CORO7: variants seen among roughly 807,000 people sequenced by gnomAD.
CORO7 encodes the protein coronin-7.
In CORO7, 107 loss-of-function variants were observed where a neutral mutation model predicts 126.6. The observed-to-expected ratio is 0.85, with a 90% CI of 0.72 to 0.99. The LOEUF is 0.99. CORO7 is among the 50% of genes least tolerant of loss of function. CORO7 has a pLI of 0.00. For synonymous variants in CORO7, 603 were observed against 536.8 expected, an observed-to-expected ratio of 1.12 and a Z score of -1.70; for missense variants, 1,314 against 1,255.8, an observed-to-expected ratio of 1.05 and a Z score of -0.70.
Position 4,358,517 on chromosome 16 carries a change from G to A in CORO7, c.2341-34C>T, listed in dbSNP as rs372729227. On this transcript the variant is annotated intron_variant, in intron 23 of 27. Transcript: ENST00000251166. ...GCAAGGGAGTCGGAGCTGCCGCTGG[G>A]ACCTAGAGCTCATGGCTGGGCACGT... 3.2e-6 allele frequency: 5 copies of A among 1,547,968 alleles called. No individual in the cohort carries two copies. In the African/African-American group the frequency reaches 5.5e-5, roughly 17 times the overall value.
At position 4,357,227 on chromosome 16, in the gene CORO7, G is replaced by A. The variant is rs374424650; in HGVS notation, c.2626C>T (p.Arg876Trp). Reference sequence around the variant, plus strand: ...AGGTACTGCGCTGAGGATGGGGCCCGACGAGCAGGGGCCTCTCGGGGGGCT... The same window carrying A: ...AGGTACTGCGCTGAGGATGGGGCCCAACGAGCAGGGGCCTCTCGGGGGGCT... ...SQAPREAPAR[R>W]APSSAQYLEE... Residue 876 changes from arginine (R) to tryptophan (W), a missense_variant, in exon 26 of 28, where the codon CGG becomes TGG. By Grantham distance (101) the Arg-to-Trp change is moderately radical (BLOSUM62 -3). Transcript: ENST00000251166. 61 of 1,613,720 alleles carry A rather than the reference G, an allele frequency of 3.8e-5. No homozygotes were observed. The highest frequency in any genetic ancestry group is 4.6e-5 in the Non-Finnish European group (54 of 1,179,938).
At chr16:4,395,850 A>G (rs1211864336) in intron 6 of CORO7, among the ~76,000 whole-genome samples, 2 of 152,218 alleles carry the variant, frequency 1.3e-5, no homozygotes, top group African/African-American at 4.8e-5. Flanking sequence ...TACACTTCCG[A>G]ACCATCCATT....
intron 6 of CORO7, 170 bp downstream of exon 6, chr16:4,405,321 A>T: frequency 1.6e-6 from 1 of 620,122 alleles, no homozygotes; most frequent in Non-Finnish European, 2.5e-6. Flanking sequence ...TTCCAGATGT[A>T]GGTGAGCGGG....
intron 9 of CORO7, among the ~76,000 whole-genome samples, chr16:4,367,440 G>A (rs1460367994): frequency 6.6e-6 from 1 of 152,168 alleles, no homozygotes. Flanking sequence ...TCCTCGGCTC[G>A]ACCTGCATGT....
At chr16:4,385,653 C>T (rs1422747265) in intron 9 of CORO7, among the ~76,000 whole-genome samples, 1 of 152,160 alleles carries the variant, frequency 6.6e-6, no homozygotes, top group Non-Finnish European at 1.5e-5. Context: ...GCTGCCTGAG[C>T]ACAGACAGGA....
Position 4,364,817 on chromosome 16 carries a change from G to T in CORO7, c.1002C>A (p.Ser334Arg). 6.2e-7 allele frequency: 1 copy of T among 1,611,888 alleles called. No individual in the cohort carries two copies. The change falls in exon 12 of 28, where the codon AGC (serine) becomes AGA (arginine). Residue 334 changes from serine to arginine, a missense_variant. Ser to Arg is a moderately radical substitution (Grantham distance 110). Coordinates refer to ENST00000251166, the MANE Select transcript of CORO7 (RefSeq NM_024535.5). ...SCEVLRVLQLSDTAIVPIGYH... is the reference protein window; with the variant it reads ...SCEVLRVLQLRDTAIVPIGYH... Reference sequence around the variant, plus strand: ...AGCCGATGGGCACGATGGCTGTGTCGCTCAGCTGTAGGACGCGGAGTACCT... The same window carrying T: ...AGCCGATGGGCACGATGGCTGTGTCTCTCAGCTGTAGGACGCGGAGTACCT...
In CORO7 at chr16:4,407,580, G is replaced by C. The variant is rs369850939; in HGVS notation, c.408C>G (p.Pro136=). 288 of 1,590,558 alleles carry C rather than the reference G, an allele frequency of 1.8e-4. No individual in the cohort carries two copies. The highest frequency in any genetic ancestry group is 2.4e-4 in the Non-Finnish European group (278 of 1,168,592). Residue 136 remains proline (P), a synonymous_variant, in exon 5 of 28, where the codon CCC becomes CCG. Transcript: ENST00000251166. ...CGCTCACCAGAATGCCGTCAGAGGT[G>C]GGGTGGAACTGCAGTACCTCCACTG... ...DLPVEVLQFH[P]TSDGILVSAA... is the part of the protein sequence containing the mutation.
At chr16:4,389,599 G>C (rs1158561834) in intron 7 of CORO7, among the ~76,000 whole-genome samples, 1 of 152,174 alleles carries the variant, frequency 6.6e-6, no homozygotes, top group African/African-American at 2.4e-5. Flanking sequence ...CCCGTCCTTC[G>C]AGGGGCTTTT....
chr16:4,380,914 C>CT, intron 9 of CORO7: 1 of 1,565,988 alleles, frequency 6.4e-7, no homozygotes, highest in Non-Finnish European at 8.6e-7. Context: ...GCCGCTGCTC[C>CT]TGCTACTGGC....
chr16:4,358,310 T>C, intron 24 of CORO7, 57 bp downstream of exon 24: 1 of 1,583,938 alleles, frequency 6.3e-7, no homozygotes, highest in Non-Finnish European at 8.6e-7. Flanking sequence ...GGACCCAAAC[T>C]CCCCTCTAGG....
chr16:4,405,089 CTT>C (rs1385732602), intron 6 of CORO7, among the ~76,000 whole-genome samples: 1 of 152,216 alleles, frequency 6.6e-6, no homozygotes, highest in Non-Finnish European at 1.5e-5. Context: ...CACGGGTCCT[CTT>C]GTCTGTACTG....
intron 7 of CORO7, among the ~76,000 whole-genome samples, chr16:4,394,761 G>A (rs993988121): frequency 6.6e-6 from 1 of 152,214 alleles, no homozygotes; most frequent in Non-Finnish European, 1.5e-5. Context: ...CAAATGAACG[G>A]TGTCCCAGTG....
intron 2 of CORO7, chr16:4,412,922 A>G (rs1041071717): frequency 8.1e-5 from 19 of 233,576 alleles, no homozygotes; most frequent in Middle Eastern, 3.1e-3. Flanking sequence ...AGTTACCACT[A>G]GCAATCAAGA....
At chr16:4,358,707 G>A in intron 23 of CORO7, 1 of 433,422 alleles carries the variant, frequency 2.3e-6, no homozygotes. Flanking sequence ...ACCATGGGCA[G>A]CTTCTACGTG....
chr16:4,355,025 G>T lies in CORO7; in HGVS notation c.*133C>A. 2 of 1,003,704 alleles carry T rather than the reference G, an allele frequency of 2.0e-6. No individual in the cohort carries two copies. The highest frequency in any genetic ancestry group is 2.8e-6 in the Non-Finnish European group (2 of 718,098). 62.2% of individuals were successfully genotyped at this position (1,003,704 alleles called of 1,614,324 possible). ...CCAGAGGCCCAGAGGATGTGGAAGTGCCCACGGGAAGGCAGGAGTGCAGGG... is the reference window on the plus strand; with the variant it reads ...CCAGAGGCCCAGAGGATGTGGAAGTTCCCACGGGAAGGCAGGAGTGCAGGG... On this transcript the variant is annotated 3_prime_UTR_variant, in exon 28 of 28. Transcript: ENST00000251166.
chr16:4,372,231 G>A (rs1008379463), intron 9 of CORO7, among the ~76,000 whole-genome samples: 4 of 152,288 alleles, frequency 2.6e-5, no homozygotes, highest in Non-Finnish European at 5.9e-5. Context: ...AGTGTGCGGT[G>A]AGCCCGCGAG....
rs946660285 is a variant in CORO7, at chr16:4,412,488, G to A, written c.158-58C>T. 6 of 1,581,422 alleles carry A rather than the reference G, an allele frequency of 3.8e-6. No homozygotes were observed. In the African/African-American group the frequency reaches 6.7e-5, roughly 18 times the overall value. ...GCCCCACAGGGCCACCCACCTCCTT[G>A]CCCAGGGATCCCAGAGATGAAATCC... On this transcript the variant is annotated intron_variant, in intron 2 of 27. Coordinates refer to ENST00000251166, the MANE Select transcript of CORO7 (RefSeq NM_024535.5).
At chr16:4,367,645 A>G (rs2054388269) in intron 9 of CORO7, among the ~76,000 whole-genome samples, 1 of 152,190 alleles carries the variant, frequency 6.6e-6, no homozygotes, top group East Asian at 1.9e-4. Context: ...TCCCAAGGTC[A>G]TGCAGAAATC....
At chr16:4,390,733 G>A (rs1487343948) in intron 7 of CORO7, among the ~76,000 whole-genome samples, 1 of 152,196 alleles carries the variant, frequency 6.6e-6, no homozygotes, top group Non-Finnish European at 1.5e-5. Flanking sequence ...AAGCCTAAAG[G>A]CACAGAGAGA....
Sources: allele counts gnomAD v4.1 joint callset (sites outside exome capture counted in the v4.1 genomes callset), GRCh38; gene constraint gnomAD v4.1.1; transcripts MANE v1.5; gene names NCBI Gene and HGNC (gene_info 2026-07-23, HGNC 2026-07-21).